The following MAP4K4 variants were observed in gnomAD, a reference collection of about 807,000 sequenced individuals.
The protein encoded by MAP4K4 is mitogen-activated protein kinase kinase kinase kinase 4, also known as HPK/GCK-like kinase HGK.
Under a neutral mutation model 189.6 loss-of-function variants are expected in MAP4K4, and 38 were observed. That is an observed-to-expected ratio of 0.20 (90% confidence interval 0.15 to 0.26). The LOEUF is 0.26. MAP4K4 is among the 10% of genes least tolerant of loss of function. The pLI is 1.00. For synonymous variants in MAP4K4, 610 were observed against 624.3 expected, an observed-to-expected ratio of 0.98 and a Z score of 0.34; for missense variants, 1,054 against 1,726.9, an observed-to-expected ratio of 0.61 and a Z score of 6.91.
At chr2:101,739,549 A>G (rs2061743672) in intron 2 of MAP4K4, among the ~76,000 whole-genome samples, 1 of 152,204 alleles carries the variant, frequency 6.6e-6, no homozygotes, top group African/African-American at 2.4e-5. Flanking sequence ...CTACCTTCTC[A>G]GAAAAATCTG....
exon 19 of MAP4K4, chr2:101,866,449 G>A: frequency 1.9e-6 from 3 of 1,613,414 alleles, no homozygotes; most frequent in South Asian, 1.1e-5. Context: ...CCAGGCTTCT[G>A]TGGGAGAGAG....
At chr2:101,725,368 T>C (rs1451832931) in intron 2 of MAP4K4, among the ~76,000 whole-genome samples, 1 of 145,456 alleles carries the variant, frequency 6.9e-6, no homozygotes, top group African/African-American at 2.5e-5. Context: ...GCTTGAACTT[T>C]TCCAGACTAA....
At chr2:101,857,496 G>A (rs966545174) in intron 13 of MAP4K4, among the ~76,000 whole-genome samples, 1 of 152,144 alleles carries the variant, frequency 6.6e-6, no homozygotes, top group Non-Finnish European at 1.5e-5. Context: ...TTGATCTTTC[G>A]AGTTAAGATT....
intron 24 of MAP4K4, among the ~76,000 whole-genome samples, chr2:101,871,898 T>TC (rs2098038533): frequency 6.6e-6 from 1 of 152,222 alleles, no homozygotes; most frequent in South Asian, 2.1e-4. Context: ...ACTTGCCAGT[T>TC]CACTGTTTAC....
chr2:101,719,598 A>G (rs1559081532), intron 2 of MAP4K4, among the ~76,000 whole-genome samples: 1 of 152,190 alleles, frequency 6.6e-6, no homozygotes, highest in East Asian at 1.9e-4. Context: ...AACTGGGGAA[A>G]GACTTTTAGG....
intron 5 of MAP4K4, among the ~76,000 whole-genome samples, chr2:101,826,928 C>T (rs752305595): frequency 3.3e-5 from 5 of 152,092 alleles, no homozygotes; most frequent in Admixed American, 6.5e-5. Flanking sequence ...TCCCCACCCA[C>T]GCACCCACAC....
In MAP4K4 at chr2:101,781,408, G is replaced by C. The variant is rs181079573; in HGVS notation, c.124-9312G>C. The stretch of plus-strand genomic sequence containing the variant: ...GCTGTAGTAGACCACCACAGACTGA[G>C]TACTTTAAATGAACAGGAATTTATT... On this transcript the variant is annotated intron_variant, in intron 2 of 32. Transcript: ENST00000324219. Among the ~76,000 whole-genome samples the C allele has an allele frequency of 2.6e-3, 403 of 152,228 alleles. 3 individuals carry two copies. The highest frequency in any genetic ancestry group is 3.2e-3 in the Non-Finnish European group (219 of 68,028).
At chr2:101,822,391 A>T (rs971845585) in intron 3 of MAP4K4, among the ~76,000 whole-genome samples, 2 of 152,238 alleles carry the variant, frequency 1.3e-5, no homozygotes, top group Non-Finnish European at 2.9e-5. Context: ...GCATGACTGT[A>T]GTATAATACT....
Position 101,711,658 on chromosome 2 carries a change from C to T in MAP4K4, c.123+13120C>T, listed in dbSNP as rs370427606. On this transcript the variant is annotated intron_variant, in intron 2 of 32. Transcript: ENST00000324219. ...TGATGTTGAGTGAGATATTTCTAAC[C>T]ATTCTCTAATCATACTGGAAAATGG... is the stretch of plus-strand genomic sequence containing the variant. Among the ~76,000 whole-genome samples, 4 of 152,186 alleles carry T rather than the reference C, an allele frequency of 2.6e-5. No individual in the cohort carries two copies. In the East Asian group the frequency reaches 5.8e-4, roughly 22 times the overall value.
intron 3 of MAP4K4, among the ~76,000 whole-genome samples, chr2:101,823,537 A>G (rs1288688733): frequency 6.6e-6 from 1 of 152,248 alleles, no homozygotes; most frequent in Non-Finnish European, 1.5e-5. Flanking sequence ...CAAAGGAAAC[A>G]GATTTTCCAA....
intron 2 of MAP4K4, among the ~76,000 whole-genome samples, chr2:101,740,489 C>G (rs2149754350): frequency 6.6e-6 from 1 of 152,316 alleles, no homozygotes; most frequent in East Asian, 1.9e-4. Context: ...CCTCAATCAT[C>G]ATAATTTAAA....
At chr2:101,756,287 G>C (rs367690768) in intron 2 of MAP4K4, among the ~76,000 whole-genome samples, 11 of 152,106 alleles carry the variant, frequency 7.2e-5, no homozygotes, top group East Asian at 3.9e-4. Flanking sequence ...AAGTGCTGCT[G>C]TCAGACCCTC....
At chr2:101,837,570 C>T (rs2096795258) in intron 9 of MAP4K4, among the ~76,000 whole-genome samples, 1 of 152,144 alleles carries the variant, frequency 6.6e-6, no homozygotes, top group Non-Finnish European at 1.5e-5. Context: ...TAACTCTGGA[C>T]ATCCACGGGT....
At chr2:101,819,469 T>G (rs374250972) in intron 3 of MAP4K4, among the ~76,000 whole-genome samples, 18 of 152,358 alleles carry the variant, frequency 1.2e-4, no homozygotes, top group African/African-American at 4.3e-4. Context: ...TAAATGACAA[T>G]TAGTGGTGCT....
chr2:101,819,170 A>G (rs1234024489), intron 3 of MAP4K4, among the ~76,000 whole-genome samples: 1 of 152,130 alleles, frequency 6.6e-6, no homozygotes, highest in Non-Finnish European at 1.5e-5. Context: ...TTTCTGCTGT[A>G]TCTTCCCAGG....
intron 2 of MAP4K4, among the ~76,000 whole-genome samples, chr2:101,768,335 TGA>T (rs2079644096): frequency 6.6e-6 from 1 of 152,348 alleles, no homozygotes; most frequent in Non-Finnish European, 1.5e-5. Context: ...GCTTTTCTTT[TGA>T]TACTATTAAC....
chr2:101,800,064 T>G (rs533789675), intron 3 of MAP4K4, among the ~76,000 whole-genome samples: 20 of 152,202 alleles, frequency 1.3e-4, no homozygotes, highest in African/African-American at 4.6e-4. Context: ...TTAGCATATA[T>G]TTGCTCTTTC....
chr2:101,885,461 GCTTT>G (rs1285243021), intron 29 of MAP4K4, among the ~76,000 whole-genome samples, 174 bp downstream of exon 29: 1 of 152,202 alleles, frequency 6.6e-6, no homozygotes, highest in Non-Finnish European at 1.5e-5. Flanking sequence ...TAGTTAAGCT[GCTTT>G]CTAAGCCCAC....
intron 3 of MAP4K4, among the ~76,000 whole-genome samples, chr2:101,810,034 G>A (rs1304929145): frequency 6.6e-6 from 1 of 152,124 alleles, no homozygotes; most frequent in Non-Finnish European, 1.5e-5. Context: ...TGTCTAATTG[G>A]GTGTGTACTT....
Sources: allele counts gnomAD v4.1 joint callset (sites outside exome capture counted in the v4.1 genomes callset), GRCh38; gene constraint gnomAD v4.1.1; transcripts MANE v1.5; gene names NCBI Gene and HGNC (gene_info 2026-07-23, HGNC 2026-07-21).